The following UIMC1 variants were observed in gnomAD, a reference collection of about 807,000 sequenced individuals.
The protein encoded by UIMC1 is BRCA1-A complex subunit RAP80.
A neutral mutation model predicts 84.9 loss-of-function variants in UIMC1; 42 were observed. The observed-to-expected ratio is 0.49, with a 90% confidence interval of 0.39 to 0.64. The LOEUF (loss-of-function observed/expected upper bound fraction) is 0.64. Among genes scored for constraint, UIMC1 ranks in the 30% least tolerant of loss-of-function variants. UIMC1 has a pLI of 0.00. For missense variants in UIMC1, 825 were observed against 847.6 expected (o/e 0.97, Z 0.33); for synonymous variants, 281 against 293.0 (o/e 0.96, Z 0.42).
intron 1 of UIMC1, among the ~76,000 whole-genome samples, chr5:176,990,292 T>C (rs1166453160): frequency 6.6e-6 from 1 of 152,020 alleles, no homozygotes; most frequent in African/African-American, 2.4e-5. Context: ...GAGAACCTGT[T>C]TGCCCCTTTT....
At chr5:177,002,328 G>T (rs1445880929) in intron 1 of UIMC1, among the ~76,000 whole-genome samples, 1 of 151,916 alleles carries the variant, frequency 6.6e-6, no homozygotes, top group Non-Finnish European at 1.5e-5. Context: ...TTAACCTCTG[G>T]TGATCCAAGT....
At chr5:176,922,901 G>C (rs986068872) in intron 10 of UIMC1, among the ~76,000 whole-genome samples, 7 of 152,220 alleles carry the variant, frequency 4.6e-5, no homozygotes, top group Non-Finnish European at 7.3e-5. Flanking sequence ...CTCTAAGCTT[G>C]AAAGAAAATC....
intron 10 of UIMC1, among the ~76,000 whole-genome samples, chr5:176,940,048 T>C (rs1318301236): frequency 1.3e-5 from 2 of 152,122 alleles, no homozygotes; most frequent in Non-Finnish European, 2.9e-5. Flanking sequence ...CCTCCCTGAA[T>C]GGATGATGAT....
intron 12 of UIMC1, 66 bp from the exon 13 acceptor site, chr5:176,907,243 C>A: frequency 6.9e-7 from 1 of 1,442,798 alleles, no homozygotes; most frequent in Non-Finnish European, 9.6e-7. Flanking sequence ...ACTTCCACAG[C>A]CCAGATCACA....
chr5:176,908,087 C>T (rs540595871), intron 12 of UIMC1, among the ~76,000 whole-genome samples: 4 of 151,918 alleles, frequency 2.6e-5, no homozygotes, highest in Admixed American at 2.6e-4. Flanking sequence ...AACTACATAT[C>T]GAGTACTACA....
At chr5:176,921,876 G>A (rs568717800) in intron 10 of UIMC1, among the ~76,000 whole-genome samples, 249 of 152,076 alleles carry the variant, frequency 1.6e-3, no homozygotes, top group African/African-American at 5.7e-3. Context: ...CATCATATTT[G>A]GAATGAAGTA....
chr5:176,991,323 C>G (rs1772807135), intron 1 of UIMC1, among the ~76,000 whole-genome samples: 1 of 151,788 alleles, frequency 6.6e-6, no homozygotes, highest in South Asian at 2.1e-4. Context: ...TTTTAATTCA[C>G]CTTACTCTAC....
chr5:176,979,265 A>G (rs1770640521), intron 2 of UIMC1, among the ~76,000 whole-genome samples: 1 of 152,198 alleles, frequency 6.6e-6, no homozygotes, highest in Non-Finnish European at 1.5e-5. Context: ...ATACATGTAA[A>G]TGTGGTAAAA....
intron 10 of UIMC1, among the ~76,000 whole-genome samples, chr5:176,913,030 G>A (rs191561640): frequency 1.3e-5 from 2 of 152,282 alleles, no homozygotes; most frequent in African/African-American, 4.8e-5. Flanking sequence ...CATTCTAATT[G>A]CAATCTGCCT....
At chr5:176,908,902 G>A (rs1287464553) in intron 11 of UIMC1, among the ~76,000 whole-genome samples, 2 of 152,282 alleles carry the variant, frequency 1.3e-5, no homozygotes, top group East Asian at 3.9e-4. Context: ...GTTTTCCCTG[G>A]CTGTTTCTCT....
At chr5:176,985,456 CAAA>C (rs35535020) in intron 1 of UIMC1, among the ~76,000 whole-genome samples, 3 of 88,532 alleles carry the variant, frequency 3.4e-5, no homozygotes, top group East Asian at 4.0e-4. Context: ...AATTCTGTCT[CAAA>C]AAAAAAAAAA....
chr5:176,965,085 C>G (rs1345542406), intron 6 of UIMC1, among the ~76,000 whole-genome samples: 2 of 152,068 alleles, frequency 1.3e-5, no homozygotes, highest in Non-Finnish European at 2.9e-5. Flanking sequence ...ACAGAAAAAT[C>G]AGATGCCCAG....
intron 10 of UIMC1, among the ~76,000 whole-genome samples, chr5:176,929,681 G>C (rs976761331): frequency 6.6e-6 from 1 of 152,116 alleles, no homozygotes; most frequent in African/African-American, 2.4e-5. Flanking sequence ...AGAATATGGG[G>C]GTTCAGAGTA....
intron 9 of UIMC1, among the ~76,000 whole-genome samples, chr5:176,949,318 T>G (rs1370373222): frequency 6.6e-6 from 1 of 152,162 alleles, no homozygotes; most frequent in East Asian, 1.9e-4. Flanking sequence ...CTATTATGAT[T>G]CCATCTATTT....
At chr5:176,909,825 T>A (rs1561708300) in intron 11 of UIMC1, among the ~76,000 whole-genome samples, 1 of 152,210 alleles carries the variant, frequency 6.6e-6, no homozygotes, top group Non-Finnish European at 1.5e-5. Flanking sequence ...AAGTACTGCA[T>A]AAGAGGCAGG....
At chr5:176,924,587 A>G (rs902259501) in intron 10 of UIMC1, among the ~76,000 whole-genome samples, 1 of 152,186 alleles carries the variant, frequency 6.6e-6, no homozygotes, top group South Asian at 2.1e-4. Context: ...GAATAACTAG[A>G]TATCTATATA....
chr5:176,955,236 T>A (rs188706239), intron 8 of UIMC1, among the ~76,000 whole-genome samples: 1 of 152,218 alleles, frequency 6.6e-6, no homozygotes. Flanking sequence ...ATGTGCAACT[T>A]TGAATGAGCA....
chr5:177,018,942 G>T (rs545302227), intron 1 of UIMC1, among the ~76,000 whole-genome samples: 7 of 152,276 alleles, frequency 4.6e-5, no homozygotes, highest in African/African-American at 1.7e-4. Flanking sequence ...TGGGTTCTGC[G>T]ACTTCGACAA....
chr5:177,013,479 G>A (rs1402402253), intron 1 of UIMC1, among the ~76,000 whole-genome samples: 1 of 151,726 alleles, frequency 6.6e-6, no homozygotes, highest in Non-Finnish European at 1.5e-5. Flanking sequence ...CTAATCCGGT[G>A]GTCAATTTAG....
Sources: allele counts gnomAD v4.1 joint callset (sites outside exome capture counted in the v4.1 genomes callset), GRCh38; gene constraint gnomAD v4.1.1; transcripts MANE v1.5; gene names NCBI Gene and HGNC (gene_info 2026-07-23, HGNC 2026-07-21).